The following RP1L1 variants were observed in gnomAD, a reference collection of about 807,000 sequenced individuals.
The protein encoded by RP1L1 is RP1 like 1, also known as retinitis pigmentosa 1-like 1 protein.
In RP1L1, 27 loss-of-function variants were observed where a neutral mutation model predicts 15.7. The observed-to-expected ratio is 1.72, with a 90% confidence interval of 1.27 to 2.38. The LOEUF is 2.38. Among genes scored for constraint, RP1L1 ranks in the 30% most tolerant of loss-of-function variants. The pLI, the probability that RP1L1 is intolerant of heterozygous loss-of-function variation, is 0.00. For synonymous variants in RP1L1, 1,813 were observed against 1,276.7 expected (o/e 1.42, Z -8.96); for missense variants, 4,798 against 3,075.9 (o/e 1.56, Z -13.24).
At chr8:10,613,385 CTG>C (rs1255748468) in intron 3 of RP1L1, 39 bp from the exon 4 acceptor site, 2 of 1,598,414 alleles carry the variant, frequency 1.3e-6, no homozygotes, top group African/African-American at 2.7e-5. Flanking sequence ...GAAGAAAAGA[CTG>C]TGAGCCATGG....
At position 10,636,415 on chromosome 8, in the gene RP1L1, C is replaced by G. The variant is rs1007583229; in HGVS notation, c.-19-13195G>C. On this transcript the variant is annotated intron_variant, in intron 1 of 3. Coordinates refer to ENST00000382483, the MANE Select transcript of RP1L1 (RefSeq NM_178857.6). ...GGAGGAATGAATCAACCTCTCTGAGCCAGTCACCATCCTCGGTAAAATGGA... is the reference window on the plus strand; with the variant it reads ...GGAGGAATGAATCAACCTCTCTGAGGCAGTCACCATCCTCGGTAAAATGGA... 1.3e-5 allele frequency among the ~76,000 whole-genome samples: 2 copies of G among 152,202 alleles called. 1 individual carries two copies. Among genetic ancestry groups the G allele is most frequent in the East Asian group, 3.9e-4 (2 of 5,186 alleles).
chr8:10,648,067 C>T (rs139087012), intron 1 of RP1L1, among the ~76,000 whole-genome samples: 2,351 of 151,716 alleles, frequency 0.015, 52 homozygotes, highest in African/African-American at 0.054. Context: ...AGTCTCACTC[C>T]GTTGTCCAGG....
chr8:10,633,722 G>A (rs529746114), intron 1 of RP1L1, among the ~76,000 whole-genome samples: 5 of 152,088 alleles, frequency 3.3e-5, no homozygotes, highest in African/African-American at 7.2e-5. Context: ...GCCCTGGAAC[G>A]TTCTCCAGAC....
At chr8:10,632,080 G>A (rs1371425291) in intron 1 of RP1L1, among the ~76,000 whole-genome samples, 4 of 152,154 alleles carry the variant, frequency 2.6e-5, no homozygotes, top group Non-Finnish European at 4.4e-5. Flanking sequence ...AGGTCCTGTC[G>A]AGGAAGCAAA....
chr8:10,642,684 G>C (rs1798424205), intron 1 of RP1L1, among the ~76,000 whole-genome samples: 1 of 152,198 alleles, frequency 6.6e-6, no homozygotes, highest in Non-Finnish European at 1.5e-5. Context: ...ATTGCTCTCT[G>C]CTTCATTTCC....
chr8:10,651,471 G>A (rs1348647476), intron 1 of RP1L1, among the ~76,000 whole-genome samples: 3 of 152,196 alleles, frequency 2.0e-5, no homozygotes, highest in Non-Finnish European at 4.4e-5. Flanking sequence ...GCTAACGTCT[G>A]TAATCCCAGC....
At chr8:10,651,980 G>C (rs1798569774) in intron 1 of RP1L1, among the ~76,000 whole-genome samples, 1 of 152,074 alleles carries the variant, frequency 6.6e-6, no homozygotes, top group Admixed American at 6.5e-5. Context: ...TCCATGTTTA[G>C]AAACACAGAT....
At chr8:10,613,881 C>T (rs2117208796) in intron 3 of RP1L1, among the ~76,000 whole-genome samples, 1 of 152,252 alleles carries the variant, frequency 6.6e-6, no homozygotes, top group Non-Finnish European at 1.5e-5. Flanking sequence ...CATTGTCTAA[C>T]AAGGAGAACT....
intron 3 of RP1L1, among the ~76,000 whole-genome samples, chr8:10,615,285 G>C (rs966211974): frequency 1.3e-5 from 2 of 152,220 alleles, no homozygotes; most frequent in Admixed American, 6.5e-5. Context: ...TCCATCATCA[G>C]ACTGCATTTG....
chr8:10,612,073 G>A lies in RP1L1; in HGVS notation c.2025C>T (p.His675=), dbSNP rs1053257162. 1 of 1,613,774 alleles carries A rather than the reference G, an allele frequency of 6.2e-7. No homozygotes were observed. Among genetic ancestry groups the A allele is most frequent in the Non-Finnish European group, 8.5e-7 (1 of 1,180,050 alleles). Reference sequence around the variant, plus strand: ...TGGTTACAGAGGAGTCCAGTGGGCTGTGGGTGTCCTTGCGGTAGTGAGAAT... The same window carrying A: ...TGGTTACAGAGGAGTCCAGTGGGCTATGGGTGTCCTTGCGGTAGTGAGAAT... ...PRHSHYRKDT[H]SPLDSSVTKQ... The change falls in exon 4 of 4, where the codon CAC becomes CAT. Residue 675 remains histidine, a synonymous_variant. Transcript: ENST00000382483.
intron 3 of RP1L1, among the ~76,000 whole-genome samples, chr8:10,613,798 G>C (rs1265922104): frequency 6.9e-6 from 1 of 145,608 alleles, no homozygotes; most frequent in African/African-American, 2.5e-5. Flanking sequence ...AAAAAGAAAA[G>C]AAAAAAAAAA....
At chr8:10,644,930 A>G (rs183701345) in intron 1 of RP1L1, among the ~76,000 whole-genome samples, 30 of 152,356 alleles carry the variant, frequency 2.0e-4, no homozygotes, top group Non-Finnish European at 3.2e-4. Flanking sequence ...TTTACTTTAT[A>G]CAACAGTAAC....
In RP1L1 at chr8:10,618,661, C is replaced by A. The variant is rs574418068; in HGVS notation, c.610-2074G>T. ...GAGCTGAGATTGGGCCACAGCACTC[C>A]AAACTGGGCAACAGAACCAGACCCT... On this transcript the variant is annotated intron_variant, in intron 2 of 3. Transcript: ENST00000382483. Among the ~76,000 whole-genome samples, 13 of 152,206 alleles carry A rather than the reference C, an allele frequency of 8.5e-5. No individual in the cohort carries two copies. The South Asian group carries it at 2.7e-3, about 32-fold the overall frequency.
Position 10,608,168 on chromosome 8 carries a change from A to C in RP1L1, c.5930T>G (p.Val1977Gly). 1 of 1,599,982 alleles carries C rather than the reference A, an allele frequency of 6.3e-7. No individual in the cohort carries two copies. The highest frequency in any genetic ancestry group is 1.1e-5 in the South Asian group (1 of 90,514). Residue 1977 changes from valine to glycine, a missense_variant, in exon 4 of 4, where the codon GTA becomes GGA. Physicochemically the swap from Val to Gly is moderately radical, Grantham distance 109. Transcript: ENST00000382483. ...CTCCACTTCAACCTCCAGGGCCTCTACATCTTCTGACTCTGGCTGGGCTTC... is the reference window on the plus strand; with the variant it reads ...CTCCACTTCAACCTCCAGGGCCTCTCCATCTTCTGACTCTGGCTGGGCTTC... ...EEEAQPESEDVEALEVEVETQ... is the reference protein window; with the variant it reads ...EEEAQPESEDGEALEVEVETQ...
At chr8:10,637,521 G>T (rs960093265) in intron 1 of RP1L1, among the ~76,000 whole-genome samples, 1 of 152,166 alleles carries the variant, frequency 6.6e-6, no homozygotes, top group Non-Finnish European at 1.5e-5. Flanking sequence ...TGAGGCGGGA[G>T]GATCACTTGA....
In RP1L1 at chr8:10,612,919, TTCCCTGCA is replaced by T. The variant is rs751711670; in HGVS notation, c.1171_1178del (p.Cys391SerfsTer13). 6.2e-7 allele frequency: 1 copy of T among 1,612,080 alleles called. No homozygotes were observed. The highest frequency in any genetic ancestry group is 8.5e-7 in the Non-Finnish European group (1 of 1,179,704). On this transcript the variant is annotated frameshift_variant, in exon 4 of 4. Transcript: ENST00000382483. LOFTEE classifies it low-confidence loss of function (END_TRUNC). ...CTGGCTGCCCGCCTCGGCCAAAGAC[TTCCCTGCA>T]TCCCACCCTGCAGGGCCGGGGTCCC... is the stretch of plus-strand genomic sequence containing the variant.
In RP1L1 at chr8:10,610,728, T is replaced by G; in HGVS notation, c.3370A>C (p.Ser1124Arg). The change falls in exon 4 of 4, where the codon AGT becomes CGT. Residue 1124 changes from serine (S) to arginine (R), a missense_variant. Physicochemically the swap from Ser to Arg is moderately radical, Grantham distance 110 (BLOSUM62 -1). Coordinates refer to ENST00000382483, the MANE Select transcript of RP1L1 (RefSeq NM_178857.6). ...SAGALITCLASLQLFEEDLGS... is the reference protein window; with the variant it reads ...SAGALITCLARLQLFEEDLGS... ...AGGTCTTCCTCAAATAACTGCAGAC[T>G]GGCCAGACAAGTAATGAGGGCCCCG... 6.2e-7 allele frequency: 1 copy of G among 1,613,536 alleles called. No homozygotes were observed. Among genetic ancestry groups the G allele is most frequent in the Non-Finnish European group, 8.5e-7 (1 of 1,180,028 alleles).
Position 10,608,396 on chromosome 8 carries a change from G to T in RP1L1, c.5702C>A (p.Pro1901Gln), listed in dbSNP as rs989246809. 2.5e-6 allele frequency: 4 copies of T among 1,606,704 alleles called. No individual in the cohort carries two copies. The highest frequency in any genetic ancestry group is 3.4e-6 in the Non-Finnish European group (4 of 1,176,626). ...CGGGGCTTCTGCACCTTCTGACTCT[G>T]GCTGGACCTCCCATTCTGCCTCTGG... is the stretch of plus-strand genomic sequence containing the variant. Reference protein sequence around the residue: ...ETPEAEWEVQPESEGAEAPEA... With the variant: ...ETPEAEWEVQQESEGAEAPEA... Residue 1901 changes from proline (P) to glutamine (Q), a missense_variant, in exon 4 of 4, where the codon CCA becomes CAA. Pro to Gln is a moderately conservative substitution (Grantham distance 76, BLOSUM62 -1). Transcript: ENST00000382483.
intron 1 of RP1L1, among the ~76,000 whole-genome samples, chr8:10,629,399 G>A (rs756184758): frequency 2.0e-5 from 3 of 152,176 alleles, no homozygotes; most frequent in Non-Finnish European, 4.4e-5. Flanking sequence ...AAGACGAAAA[G>A]TAAATGGGAA....
Sources: gnomAD v4.1 joint callset for allele counts (sites outside exome capture counted in the v4.1 genomes callset) on GRCh38, gnomAD v4.1.1 for gene constraint, MANE v1.5 for transcripts, NCBI Gene and HGNC (gene_info 2026-07-23, HGNC 2026-07-21) for gene names.